JPH3: variants seen among roughly 807,000 people sequenced by gnomAD.
JPH3 encodes junctophilin 3.
Under a neutral mutation model 59.6 loss-of-function variants are expected in JPH3, and 11 were observed. The ratio of observed to expected loss-of-function variants is 0.18; its 90% confidence interval spans 0.12 to 0.31. The LOEUF (loss-of-function observed/expected upper bound fraction) is 0.31, where lower values mean the gene tolerates loss of function less well. Among genes scored for constraint, JPH3 ranks in the 10% least tolerant of loss-of-function variants. The pLI is 1.00. For synonymous variants in JPH3, 673 were observed against 483.6 expected (o/e 1.39, Z -5.14); for missense variants, 1,202 against 1,105.7 (o/e 1.09, Z -1.24).
chr16:87,615,547 C>T (rs1221176090), intron 1 of JPH3, among the ~76,000 whole-genome samples: 2 of 152,294 alleles, frequency 1.3e-5, no homozygotes, highest in East Asian at 1.9e-4. Flanking sequence ...GCATGGCTCC[C>T]CCATTTTCCA....
At chr16:87,639,459 C>A (rs761424453) in intron 1 of JPH3, among the ~76,000 whole-genome samples, 1 of 152,158 alleles carries the variant, frequency 6.6e-6, no homozygotes, top group African/African-American at 2.4e-5. Flanking sequence ...TACAGTGTCC[C>A]GTCTCAGTCA....
intron 1 of JPH3, among the ~76,000 whole-genome samples, chr16:87,640,216 C>T (rs913170098): frequency 1.3e-5 from 2 of 151,680 alleles, no homozygotes; most frequent in African/African-American, 4.8e-5. Flanking sequence ...GTAGTCCCAG[C>T]TACTCAGGAG....
At chr16:87,637,272 G>C (rs1028160763) in intron 1 of JPH3, among the ~76,000 whole-genome samples, 1 of 152,136 alleles carries the variant, frequency 6.6e-6, no homozygotes, top group African/African-American at 2.4e-5. Context: ...CTGATCATCA[G>C]CTCTATCAGG....
intron 1 of JPH3, chr16:87,605,049 G>A (rs1293688246): frequency 9.4e-6 from 4 of 423,470 alleles, no homozygotes; most frequent in South Asian, 3.3e-5. Flanking sequence ...GCTGAGACAG[G>A]CAGGCAGCCT....
intron 2 of JPH3, among the ~76,000 whole-genome samples, chr16:87,669,544 G>A (rs567305384): frequency 2.6e-5 from 4 of 152,292 alleles, no homozygotes; most frequent in South Asian, 2.1e-4. Context: ...ACCCTAGCAC[G>A]GTGCTCACGA....
chr16:87,649,261 C>T (rs969671559), intron 2 of JPH3, among the ~76,000 whole-genome samples: 1 of 152,210 alleles, frequency 6.6e-6, no homozygotes, highest in African/African-American at 2.4e-5. Context: ...TCTGAGATGG[C>T]CCCATCCTGC....
intron 2 of JPH3, among the ~76,000 whole-genome samples, chr16:87,665,752 C>T (rs532735201): frequency 4.6e-5 from 7 of 152,340 alleles, no homozygotes; most frequent in African/African-American, 9.6e-5. Context: ...GTCTGGCTTC[C>T]GTCAGACCCA....
At chr16:87,685,677 A>G (rs2033400165) in intron 3 of JPH3, among the ~76,000 whole-genome samples, 1 of 152,260 alleles carries the variant, frequency 6.6e-6, no homozygotes, top group African/African-American at 2.4e-5. Flanking sequence ...CGCAGAATGC[A>G]CGTAGGACGG....
intron 2 of JPH3, among the ~76,000 whole-genome samples, chr16:87,668,888 C>T (rs1294969368): frequency 1.3e-5 from 2 of 151,002 alleles, no homozygotes; most frequent in African/African-American, 2.4e-5. Context: ...CCACCCCCTC[C>T]GGCTGTCCCG....
At chr16:87,670,952 T>G (rs1223405927) in intron 2 of JPH3, among the ~76,000 whole-genome samples, 1 of 152,140 alleles carries the variant, frequency 6.6e-6, no homozygotes, top group Non-Finnish European at 1.5e-5. Flanking sequence ...TGGCCCTCCC[T>G]GAATCAGTGT....
At chr16:87,688,811 C>T (rs1322492496) in intron 3 of JPH3, among the ~76,000 whole-genome samples, 2 of 152,190 alleles carry the variant, frequency 1.3e-5, no homozygotes, top group Non-Finnish European at 2.9e-5. Context: ...TTGGGTTTCT[C>T]CTAATGGAAT....
intron 1 of JPH3, among the ~76,000 whole-genome samples, chr16:87,639,426 TTG>T (rs2031864580): frequency 6.6e-6 from 1 of 152,210 alleles, no homozygotes; most frequent in Non-Finnish European, 1.5e-5. Context: ...ACTTTAAACG[TTG>T]AGGGAAAAAT....
At chr16:87,645,645 G>A (rs1358662639) in intron 2 of JPH3, among the ~76,000 whole-genome samples, 2 of 152,238 alleles carry the variant, frequency 1.3e-5, no homozygotes, top group African/African-American at 4.8e-5. Context: ...GGGCCTCTAG[G>A]CCCTAAGGAA....
chr16:87,610,547 T>A (rs1488420805), intron 1 of JPH3, among the ~76,000 whole-genome samples: 1 of 152,140 alleles, frequency 6.6e-6, no homozygotes, highest in Non-Finnish European at 1.5e-5. Flanking sequence ...ATTTGGTAAT[T>A]TTGTTTACCG....
intron 1 of JPH3, among the ~76,000 whole-genome samples, chr16:87,621,611 G>A (rs569113590): frequency 5.9e-5 from 9 of 152,346 alleles, no homozygotes; most frequent in Admixed American, 1.3e-4. Context: ...AAACACCCGG[G>A]ACTGTCTCAG....
intron 2 of JPH3, among the ~76,000 whole-genome samples, chr16:87,665,619 C>T (rs1453610358): frequency 6.6e-6 from 1 of 152,210 alleles, no homozygotes; most frequent in African/African-American, 2.4e-5. Context: ...GCTCTAAGGC[C>T]TGGCCTCACT....
At chr16:87,690,570 CA>C in intron 4 of JPH3, 44 bp downstream of exon 4, 1 of 1,431,964 alleles carries the variant, frequency 7.0e-7, no homozygotes, top group Non-Finnish European at 9.2e-7. Flanking sequence ...AGGCAACATC[CA>C]CCTCTCTGCT....
chr16:87,642,208 G>T (rs918830434), intron 1 of JPH3, among the ~76,000 whole-genome samples: 8 of 151,726 alleles, frequency 5.3e-5, no homozygotes, highest in African/African-American at 1.7e-4. Flanking sequence ...CCACCCTCTG[G>T]TGTGGGGCGT....
At chr16:87,634,606 C>T (rs894892071) in intron 1 of JPH3, among the ~76,000 whole-genome samples, 7 of 152,378 alleles carry the variant, frequency 4.6e-5, no homozygotes, top group African/African-American at 1.7e-4. Context: ...CTGCCCCAGG[C>T]CCAGGCTGGT....
Sources: allele counts gnomAD v4.1 joint callset (sites outside exome capture counted in the v4.1 genomes callset), GRCh38; gene constraint gnomAD v4.1.1; transcripts MANE v1.5; gene names NCBI Gene and HGNC (gene_info 2026-07-23, HGNC 2026-07-21).